The following TRAPPC8 variants were observed in gnomAD, a reference collection of about 807,000 sequenced individuals.
TRAPPC8 encodes the protein general sporulation gene 1 homolog.
In TRAPPC8, 54 loss-of-function variants were observed where a neutral mutation model predicts 174.3. The ratio of observed to expected loss-of-function variants is 0.31; its 90% CI spans 0.25 to 0.39. TRAPPC8 has a LOEUF of 0.39. TRAPPC8 is among the 10% of genes least tolerant of loss of function. The probability of loss-of-function intolerance (pLI) is 1.00; values close to 1 mark genes in which losing one functional copy is unlikely to be tolerated. For missense variants in TRAPPC8, 1,531 were observed against 1,699.1 expected, an observed-to-expected ratio of 0.90 and a Z score of 1.74; for synonymous variants, 630 against 579.9, an observed-to-expected ratio of 1.09 and a Z score of -1.24.
chr18:31,922,906 A>C (rs1243318373), intron 2 of TRAPPC8, among the ~76,000 whole-genome samples: 1 of 151,900 alleles, frequency 6.6e-6, no homozygotes, highest in Non-Finnish European at 1.5e-5. Context: ...AGTCCCCGCT[A>C]CTCGGGAGGC....
chr18:31,942,867 C>T lies in TRAPPC8; in HGVS notation c.-103G>A, dbSNP rs984744505. ...CCGCCGCCCGCCGGCCTGGCCCGGC[C>T]GGGCGGGGCCCCGAACGCACTGGAG... On this transcript the variant is annotated 5_prime_UTR_variant, in exon 1 of 29. Coordinates refer to ENST00000283351, the MANE Select transcript of TRAPPC8 (RefSeq NM_014939.5). 1.6e-6 allele frequency: 2 copies of T among 1,253,912 alleles called. No homozygotes were observed. The highest frequency in any genetic ancestry group is 1.6e-5 in the African/African-American group (1 of 64,336). 77.7% of individuals were successfully genotyped at this position (1,253,912 alleles called of 1,614,324 possible).
intron 27 of TRAPPC8, chr18:31,833,249 G>A (rs1386321097): frequency 6.6e-6 from 1 of 152,194 alleles, no homozygotes; most frequent in African/African-American, 2.4e-5. Flanking sequence ...GTTCCCATTT[G>A]ATCCTCAAAT....
chr18:31,875,976 A>T (rs966937776), intron 12 of TRAPPC8, among the ~76,000 whole-genome samples: 3 of 152,156 alleles, frequency 2.0e-5, no homozygotes, highest in Admixed American at 2.0e-4. Flanking sequence ...TAGAAGAAAT[A>T]AGACCTAGCG....
At chr18:31,870,343 A>G (rs374031814) in intron 16 of TRAPPC8, 29 bp downstream of exon 16, 9 of 1,582,966 alleles carry the variant, frequency 5.7e-6, no homozygotes, top group African/African-American at 5.4e-5. Context: ...TAGCTGAAAC[A>G]TAATTACAAA....
chr18:31,862,792 TAA>T (rs1210891689), intron 19 of TRAPPC8, among the ~76,000 whole-genome samples: 1 of 151,780 alleles, frequency 6.6e-6, no homozygotes, highest in African/African-American at 2.4e-5. Flanking sequence ...AACATCCAAT[TAA>T]AAGAGTTCCC....
intron 2 of TRAPPC8, among the ~76,000 whole-genome samples, chr18:31,924,576 C>T (rs1373558643): frequency 6.6e-6 from 1 of 151,212 alleles, no homozygotes; most frequent in Non-Finnish European, 1.5e-5. Context: ...GCCTGGCCAA[C>T]ATCATGAAAC....
chr18:31,932,179 C>T (rs1255323062), intron 1 of TRAPPC8, among the ~76,000 whole-genome samples: 1 of 152,044 alleles, frequency 6.6e-6, no homozygotes, highest in Non-Finnish European at 1.5e-5. Flanking sequence ...CCTATAATCA[C>T]AGCACTTTGG....
chr18:31,933,128 T>C (rs1022994357), intron 1 of TRAPPC8, among the ~76,000 whole-genome samples: 7 of 151,252 alleles, frequency 4.6e-5, no homozygotes, highest in Non-Finnish European at 7.4e-5. Context: ...GGTGAAACCC[T>C]GTCTCTACTA....
intron 10 of TRAPPC8, among the ~76,000 whole-genome samples, chr18:31,898,449 T>C (rs1257139548): frequency 6.6e-6 from 1 of 152,224 alleles, no homozygotes; most frequent in Non-Finnish European, 1.5e-5. Flanking sequence ...AAGTCATATC[T>C]CCTGCATGCA....
chr18:31,926,897 C>T (rs1321562721), intron 2 of TRAPPC8, among the ~76,000 whole-genome samples: 2 of 152,024 alleles, frequency 1.3e-5, no homozygotes, highest in Admixed American at 1.3e-4. Context: ...AAGCCAAATC[C>T]TTATCAATGA....
chr18:31,882,258 G>A (rs560243935), intron 12 of TRAPPC8, among the ~76,000 whole-genome samples: 23 of 152,208 alleles, frequency 1.5e-4, no homozygotes, highest in Non-Finnish European at 2.9e-4. Flanking sequence ...ACACACCATG[G>A]AATATGACAC....
intron 12 of TRAPPC8, among the ~76,000 whole-genome samples, chr18:31,884,661 C>T (rs546117080): frequency 1.3e-5 from 2 of 152,140 alleles, no homozygotes; most frequent in South Asian, 2.1e-4. Flanking sequence ...CACTGTCCTC[C>T]ACACGTGCCT....
intron 2 of TRAPPC8, among the ~76,000 whole-genome samples, chr18:31,919,592 A>G (rs74643615): frequency 1.6e-5 from 1 of 61,642 alleles, no homozygotes; most frequent in Admixed American, 2.6e-4. Flanking sequence ...AAATAAATAA[A>G]ATAATAATAA....
At chr18:31,856,880 C>T (rs866199243) in intron 20 of TRAPPC8, among the ~76,000 whole-genome samples, 1 of 142,674 alleles carries the variant, frequency 7.0e-6, no homozygotes, top group Non-Finnish European at 1.5e-5. Flanking sequence ...GGTATAATCA[C>T]GGCTCTCTGT....
chr18:31,907,313 T>A (rs911654811), intron 9 of TRAPPC8, 147 bp downstream of exon 9: 1 of 707,230 alleles, frequency 1.4e-6, no homozygotes, highest in African/African-American at 1.8e-5. Flanking sequence ...ATCCATCAAC[T>A]CAGCATTAAG....
At chr18:31,849,122 AAT>A (rs1378387598) in intron 25 of TRAPPC8, among the ~76,000 whole-genome samples, 17 of 152,212 alleles carry the variant, frequency 1.1e-4, no homozygotes, top group Admixed American at 5.2e-4. Context: ...TTACAGATGA[AAT>A]ATGTCATTTT....
chr18:31,878,940 A>G (rs1355150763), intron 12 of TRAPPC8, among the ~76,000 whole-genome samples: 2 of 152,234 alleles, frequency 1.3e-5, no homozygotes, highest in African/African-American at 4.8e-5. Context: ...TAGCCTAAAC[A>G]TATACACACT....
chr18:31,927,411 T>C (rs62093873), intron 2 of TRAPPC8, among the ~76,000 whole-genome samples: 54,138 of 151,812 alleles, frequency 0.36, 10,169 homozygotes, highest in South Asian at 0.57. Flanking sequence ...TACAGGTGCC[T>C]GCTGCTGGCT....
intron 1 of TRAPPC8, among the ~76,000 whole-genome samples, chr18:31,935,414 G>A (rs553172719): frequency 2.5e-4 from 36 of 146,156 alleles, no homozygotes; most frequent in South Asian, 4.3e-4. Flanking sequence ...GGCTGGAGCC[G>A]CTGCACCCAG....
Sources: gnomAD v4.1 joint callset for allele counts (sites outside exome capture counted in the v4.1 genomes callset) on GRCh38, gnomAD v4.1.1 for gene constraint, MANE v1.5 for transcripts, NCBI Gene and HGNC (gene_info 2026-07-23, HGNC 2026-07-21) for gene names.